Variants in SLC38A11 observed in about 807,000 individuals in gnomAD.
SLC38A11 encodes the protein putative sodium-coupled neutral amino acid transporter 11.
A neutral mutation model predicts 49.4 loss-of-function variants in SLC38A11; 51 were observed. The observed-to-expected ratio is 1.03, with a 90% CI of 0.83 to 1.30. The LOEUF (loss-of-function observed/expected upper bound fraction) is 1.30. SLC38A11 is among the 50% of genes most tolerant of loss of function. The probability of loss-of-function intolerance (pLI) is 0.00; values close to 1 mark genes in which losing one functional copy is unlikely to be tolerated. For synonymous variants in SLC38A11, 203 were observed against 192.9 expected (o/e 1.05, Z -0.43); for missense variants, 574 against 556.2 (o/e 1.03, Z -0.32).
intron 3 of SLC38A11, among the ~76,000 whole-genome samples, chr2:164,946,210 T>C (rs1688094710): frequency 6.6e-6 from 1 of 151,714 alleles, no homozygotes; most frequent in African/African-American, 2.4e-5. Flanking sequence ...ATAATAAAAT[T>C]AGTAACTTTA....
chr2:164,917,028 T>C (rs1340415364), intron 7 of SLC38A11, among the ~76,000 whole-genome samples: 1 of 152,162 alleles, frequency 6.6e-6, no homozygotes, highest in East Asian at 1.9e-4. Context: ...GAAGAGAGTT[T>C]ATCACATAGC....
chr2:164,937,438 G>T lies in SLC38A11; in HGVS notation c.538-9C>A, dbSNP rs1426749901. On this transcript the variant is annotated splice_polypyrimidine_tract_variant and intron_variant, in intron 6 of 11. Coordinates refer to ENST00000685975, the MANE Select transcript of SLC38A11 (RefSeq NM_001351537.2). The stretch of plus-strand genomic sequence containing the variant: ...GTAGAGATGAGGGAGACCTGTAAAA[G>T]AAAATACAAGGATATTGCCGGTTTA... The T allele has an allele frequency of 3.2e-6, 5 of 1,545,404 alleles. No homozygotes were observed. The highest frequency in any genetic ancestry group is 1.7e-5 in the Admixed American group (1 of 59,366).
At chr2:164,911,267 T>C (rs1035733633) in intron 10 of SLC38A11, among the ~76,000 whole-genome samples, 3 of 152,104 alleles carry the variant, frequency 2.0e-5, no homozygotes, top group Non-Finnish European at 4.4e-5. Context: ...TTGTAAAACA[T>C]GTTTTAAACC....
Position 164,955,190 on chromosome 2 carries a change from G to GCCTAGT in SLC38A11, c.39+13_39+18dup, listed in dbSNP as rs544111136. 4,174 of 1,550,120 alleles carry GCCTAGT rather than the reference G, an allele frequency of 2.7e-3. 11 individuals carry two copies. The highest frequency in any genetic ancestry group is 3.4e-3 in the Non-Finnish European group (3,893 of 1,146,508). On this transcript the variant is annotated intron_variant, in intron 1 of 11. Transcript: ENST00000685975. ...TTCCGGACAACTGGCTTCAGAACCTGCCTAGTCGCTAGTTTTACCTGCGGC... is the reference window on the plus strand; with the variant it reads ...TTCCGGACAACTGGCTTCAGAACCTGCCTAGTCCTAGTCGCTAGTTTTACCTGCGGC...
chr2:164,930,690 T>C (rs1304960133), intron 7 of SLC38A11, among the ~76,000 whole-genome samples: 2 of 152,234 alleles, frequency 1.3e-5, no homozygotes, highest in Admixed American at 6.5e-5. Context: ...AAAAGGCTTT[T>C]GATAAAATTC....
At position 164,939,548 on chromosome 2, in the gene SLC38A11, C is replaced by T; in HGVS notation, c.439G>A (p.Glu147Lys). ...AAGTGGCGACCAATAAACACGTTTTCAGGATCAACTAAAACACAATAAATA... is the reference window on the plus strand; with the variant it reads ...AAGTGGCGACCAATAAACACGTTTTTAGGATCAACTAAAACACAATAAATA... ...VFQRIPGVDP[E>K]NVFIGRHFII... Residue 147 changes from glutamate to lysine, a missense_variant, in exon 6 of 12, where the codon GAA becomes AAA. Coordinates refer to ENST00000685975, the MANE Select transcript of SLC38A11 (RefSeq NM_001351537.2). 1 of 1,603,982 alleles carries T rather than the reference C, an allele frequency of 6.2e-7. No homozygotes were observed. The highest frequency in any genetic ancestry group is 8.5e-7 in the Non-Finnish European group (1 of 1,172,244).
At chr2:164,904,915 A>T (rs1212168448) in intron 11 of SLC38A11, among the ~76,000 whole-genome samples, 1 of 152,128 alleles carries the variant, frequency 6.6e-6, no homozygotes, top group Non-Finnish European at 1.5e-5. Context: ...ATGATTTAAA[A>T]TGTGAGCTTT....
chr2:164,948,094 G>C (rs898399220), intron 3 of SLC38A11, among the ~76,000 whole-genome samples: 4 of 152,182 alleles, frequency 2.6e-5, no homozygotes, highest in Non-Finnish European at 5.9e-5. Context: ...TTTATTAGCT[G>C]TGTGACTTTG....
intron 7 of SLC38A11, among the ~76,000 whole-genome samples, chr2:164,935,386 T>A (rs1687293415): frequency 6.6e-6 from 1 of 151,646 alleles, no homozygotes; most frequent in South Asian, 2.1e-4. Context: ...ACCACTAATG[T>A]AGGCCAGGCA....
Position 164,955,215 on chromosome 2 carries a change from C to G in SLC38A11, c.33G>C (p.Pro11=). The change falls in exon 1 of 12, where the codon CCG becomes CCC. Residue 11 remains proline, a synonymous_variant. Transcript: ENST00000685975. The part of the protein sequence containing the change: MGYQRQEPVI[P]PQRDLDDRET... ...GCCTAGTCGCTAGTTTTACCTGCGG[C>G]GGGATGACAGGCTCCTGCCTCTGGT... 6.4e-7 allele frequency: 1 copy of G among 1,550,556 alleles called. No homozygotes were observed. The highest frequency in any genetic ancestry group is 8.7e-7 in the Non-Finnish European group (1 of 1,146,976).
intron 7 of SLC38A11, among the ~76,000 whole-genome samples, chr2:164,933,284 G>GA (rs1463199153): frequency 1.3e-5 from 2 of 151,774 alleles, no homozygotes; most frequent in Admixed American, 1.3e-4. Context: ...ATTCTAGTTA[G>GA]AAAAAAATTG....
At chr2:164,935,205 C>T (rs926685577) in intron 7 of SLC38A11, among the ~76,000 whole-genome samples, 4 of 151,306 alleles carry the variant, frequency 2.6e-5, no homozygotes, top group Admixed American at 2.0e-4. Flanking sequence ...TAAAGTAAGC[C>T]CTTTGTCCAT....
rs183336295 is a variant in SLC38A11, at chr2:164,934,986, C to T, written c.617+2364G>A. Among the ~76,000 whole-genome samples the T allele has an allele frequency of 1.1e-3, 164 of 152,124 alleles. 1 individual carries two copies. The highest frequency in any genetic ancestry group is 3.8e-3 in the African/African-American group (159 of 41,518). ...TCCCTGAGTCTGTAATACATACAGA[C>T]TCATACCCTCTATGTATCTGGAAAA... is the stretch of plus-strand genomic sequence containing the variant. On this transcript the variant is annotated intron_variant, in intron 7 of 11. Transcript: ENST00000685975.
rs114399027 is a variant in SLC38A11, at chr2:164,919,878, G to A, written c.618-3905C>T. On this transcript the variant is annotated intron_variant, in intron 7 of 11. Transcript: ENST00000685975. ...GGCCATGATCAAGAAATAGTATACAGTATATACACAGTACTCCCCCCTTAT... is the reference window on the plus strand; with the variant it reads ...GGCCATGATCAAGAAATAGTATACAATATATACACAGTACTCCCCCCTTAT... Among the ~76,000 whole-genome samples, 1,496 of 152,230 alleles carry A rather than the reference G, an allele frequency of 9.8e-3. 28 individuals carry two copies. The highest frequency in any genetic ancestry group is 0.034 in the African/African-American group (1,422 of 41,538).
intron 9 of SLC38A11, 139 bp from the exon 10 acceptor site, chr2:164,911,887 A>G (rs931593318): frequency 5.9e-6 from 3 of 508,146 alleles, no homozygotes; most frequent in Admixed American, 3.7e-5. Context: ...TATTTTTACT[A>G]TATATTTTTC....
rs2105452568 is a variant in SLC38A11, at chr2:164,908,677, A to G, written c.1058T>C (p.Leu353Ser). 4 of 1,607,696 alleles carry G rather than the reference A, an allele frequency of 2.5e-6. No individual in the cohort carries two copies. The East Asian group carries it at 9.0e-5, about 36-fold the overall frequency. Residue 353 changes from leucine (L) to serine (S), a missense_variant, in exon 11 of 12, where the codon TTG becomes TCG. Transcript: ENST00000685975. ...MVITVATLVS[L>S]LIDCLGIVLE... Reference sequence around the variant, plus strand: ...AACTATCCCGAGGCAATCAATCAGCAATGACACAAGCGTGGCTACAGTGAT... The same window carrying G: ...AACTATCCCGAGGCAATCAATCAGCGATGACACAAGCGTGGCTACAGTGAT...
At chr2:164,907,611 T>C (rs1214169316) in intron 11 of SLC38A11, among the ~76,000 whole-genome samples, 3 of 152,154 alleles carry the variant, frequency 2.0e-5, no homozygotes, top group African/African-American at 4.8e-5. Flanking sequence ...TTATGTTTAT[T>C]TGTGAGAATG....
chr2:164,908,722 A>C lies in SLC38A11; in HGVS notation c.1013T>G (p.Ile338Ser), dbSNP rs751509872. The stretch of plus-strand genomic sequence containing the variant: ...AGTGATGACCATCACTGTTACAACA[A>C]TGTGGAAAACCGATGAAAGATTCCC... Reference protein sequence around the residue: ...FGGNLSSVFHIVVTVMVITVA... With the variant: ...FGGNLSSVFHSVVTVMVITVA... The change falls in exon 11 of 12, where the codon ATT (isoleucine) becomes AGT (serine). Residue 338 changes from isoleucine (I) to serine (S), a missense_variant. By Grantham distance (142) the Ile-to-Ser change is moderately radical. Coordinates refer to ENST00000685975, the MANE Select transcript of SLC38A11 (RefSeq NM_001351537.2). The C allele has an allele frequency of 1.2e-6, 2 of 1,611,554 alleles. No homozygotes were observed. The highest frequency in any genetic ancestry group is 2.2e-5 in the South Asian group (2 of 90,644).
chr2:164,920,440 AT>A, intron 7 of SLC38A11, among the ~76,000 whole-genome samples: 1 of 151,612 alleles, frequency 6.6e-6, no homozygotes, highest in East Asian at 1.9e-4. Flanking sequence ...GATGGGCCAC[AT>A]AAGTTTATCT....
Sources: allele counts gnomAD v4.1 joint callset (sites outside exome capture counted in the v4.1 genomes callset), GRCh38; gene constraint gnomAD v4.1.1; transcripts MANE v1.5; gene names NCBI Gene and HGNC (gene_info 2026-07-23, HGNC 2026-07-21).